The following FNIP2 variants were observed in gnomAD, a reference collection of about 807,000 sequenced individuals.
FNIP2 encodes the protein folliculin interacting protein 2.
In FNIP2, 32 loss-of-function variants were observed where a neutral mutation model predicts 108.7. The ratio of observed to expected loss-of-function variants is 0.29; its 90% CI spans 0.22 to 0.40. The LOEUF is 0.40. Among genes scored for constraint, FNIP2 ranks in the 10% least tolerant of loss-of-function variants. The pLI is 1.00. For missense variants in FNIP2, 1,202 were observed against 1,381.6 expected, an observed-to-expected ratio of 0.87 and a Z score of 2.06; for synonymous variants, 480 against 496.7, an observed-to-expected ratio of 0.97 and a Z score of 0.45.
intron 1 of FNIP2, among the ~76,000 whole-genome samples, chr4:158,792,705 G>A (rs888580918): frequency 4.6e-5 from 7 of 152,246 alleles, no homozygotes; most frequent in African/African-American, 1.4e-4. Flanking sequence ...GCAGTGGTTC[G>A]GTATTCACTA....
At chr4:158,779,009 A>G (rs1223751763) in intron 1 of FNIP2, among the ~76,000 whole-genome samples, 1 of 152,224 alleles carries the variant, frequency 6.6e-6, no homozygotes, top group Non-Finnish European at 1.5e-5. Context: ...AGTGGAGATG[A>G]TTTAAAGTAC....
At chr4:158,882,546 T>G (rs934867992) in intron 14 of FNIP2, among the ~76,000 whole-genome samples, 3 of 152,242 alleles carry the variant, frequency 2.0e-5, no homozygotes, top group Non-Finnish European at 4.4e-5. Context: ...GGCGGTTTTG[T>G]CGAATAGAAA....
intron 12 of FNIP2, among the ~76,000 whole-genome samples, 190 bp downstream of exon 12, chr4:158,861,966 G>A (rs895626893): frequency 6.6e-6 from 1 of 152,012 alleles, no homozygotes; most frequent in Non-Finnish European, 1.5e-5. Context: ...TCCCCTACTG[G>A]CAGCTTTGTG....
intron 1 of FNIP2, among the ~76,000 whole-genome samples, chr4:158,803,776 C>T (rs1371057498): frequency 6.6e-6 from 1 of 152,088 alleles, no homozygotes; most frequent in Non-Finnish European, 1.5e-5. Context: ...TTGGAGTGAT[C>T]CCAAGATATT....
In FNIP2 at chr4:158,890,385, C is replaced by T. The variant is rs564363340; in HGVS notation, c.2950-1061C>T. 209 of 982,956 alleles carry T rather than the reference C, an allele frequency of 2.1e-4. 1 individual carries two copies. In the South Asian group the frequency reaches 7.7e-3, roughly 36 times the overall value. The allele number at this position is 982,956 out of a possible 1,614,324, so 60.9% of individuals were successfully genotyped here. A position where few individuals can be genotyped will look rare whatever the true frequency, so the allele number is the denominator to read the frequency against. ...ATAATAGTAGGAAAAAATGTTGGTC[C>T]GCACGAAGTTTTCATTCATCTCACC... On this transcript the variant is annotated intron_variant, in intron 14 of 16. Transcript: ENST00000264433.
chr4:158,877,487 C>T (rs1781349627), intron 14 of FNIP2, among the ~76,000 whole-genome samples: 1 of 152,192 alleles, frequency 6.6e-6, no homozygotes, highest in African/African-American at 2.4e-5. Context: ...TGACATTAAA[C>T]CTGTTTCCAA....
chr4:158,811,951 A>C (rs1295675205), intron 1 of FNIP2, among the ~76,000 whole-genome samples: 1 of 152,240 alleles, frequency 6.6e-6, no homozygotes. Context: ...AGAGATCTTA[A>C]GGCAGGAACA....
At position 158,899,003 on chromosome 4, in the gene FNIP2, T is replaced by C. The variant is rs532508171; in HGVS notation, c.3266+3138T>C. On this transcript the variant is annotated intron_variant, in intron 16 of 16. Coordinates refer to ENST00000264433, the MANE Select transcript of FNIP2 (RefSeq NM_020840.3). ...TTTGTCAGAAATAGCTCTTATTATT[T>C]TGGGATACGTTCCCTCAATACCTAG... 6.6e-5 allele frequency among the ~76,000 whole-genome samples: 10 copies of C among 152,350 alleles called. No homozygotes were observed. In the East Asian group the frequency reaches 1.7e-3, roughly 26 times the overall value.
chr4:158,825,847 G>T, intron 1 of FNIP2, 69 bp from the exon 2 acceptor site: 1 of 1,552,252 alleles, frequency 6.4e-7, no homozygotes. Context: ...TGACTGGGAA[G>T]CTTATCTGTC....
intron 1 of FNIP2, among the ~76,000 whole-genome samples, chr4:158,819,455 T>A (rs529561646): frequency 5.6e-4 from 85 of 152,352 alleles, no homozygotes; most frequent in Non-Finnish European, 1.1e-3. Flanking sequence ...ATAAGAACTT[T>A]AAGCACTTTT....
chr4:158,839,709 T>C (rs1383955311), intron 7 of FNIP2, among the ~76,000 whole-genome samples: 1 of 152,196 alleles, frequency 6.6e-6, no homozygotes, highest in Non-Finnish European at 1.5e-5. Flanking sequence ...GTTTTGACCA[T>C]TGGGAGCTCT....
chr4:158,880,319 C>G (rs1421182846), intron 14 of FNIP2, among the ~76,000 whole-genome samples: 1 of 152,168 alleles, frequency 6.6e-6, no homozygotes, highest in Non-Finnish European at 1.5e-5. Flanking sequence ...TGGAAACCAT[C>G]ATTCTCAGCA....
At chr4:158,775,637 G>C (rs1775836521) in intron 1 of FNIP2, among the ~76,000 whole-genome samples, 1 of 152,166 alleles carries the variant, frequency 6.6e-6, no homozygotes, top group African/African-American at 2.4e-5. Flanking sequence ...CTGTCCAGCT[G>C]CCTTTATAAT....
chr4:158,907,912 T>TTGA lies in FNIP2; in HGVS notation c.*3370_*3372dup, dbSNP rs1453851561. 6.6e-6 allele frequency: 1 copy of TTGA among 152,194 alleles called. No homozygotes were observed. Among genetic ancestry groups the TTGA allele is most frequent in the African/African-American group, 2.4e-5 (1 of 41,450 alleles). 9.4% of individuals were successfully genotyped at this position (152,194 alleles called of 1,614,324 possible). A position where few individuals can be genotyped will look rare whatever the true frequency, so the allele number is the denominator to read the frequency against. ...GTCATTTGAAGCTCCATAAGAGAAA[T>TTGA]TGATAGGACTTCGTTTTTGATCAGT... On this transcript the variant is annotated 3_prime_UTR_variant, in exon 17 of 17. Coordinates refer to ENST00000264433, the MANE Select transcript of FNIP2 (RefSeq NM_020840.3).
chr4:158,860,136 C>G (rs1327760671), intron 10 of FNIP2, among the ~76,000 whole-genome samples: 2 of 152,158 alleles, frequency 1.3e-5, no homozygotes, highest in Non-Finnish European at 2.9e-5. Context: ...TGTCTAGAGT[C>G]CTTGCTCCTA....
At chr4:158,799,390 T>C (rs1776689196) in intron 1 of FNIP2, among the ~76,000 whole-genome samples, 1 of 152,188 alleles carries the variant, frequency 6.6e-6, no homozygotes, top group Non-Finnish European at 1.5e-5. Context: ...GATGTGGAGA[T>C]TGGGAGCACT....
chr4:158,903,381 T>C (rs1482204097), intron 16 of FNIP2, among the ~76,000 whole-genome samples: 1 of 152,158 alleles, frequency 6.6e-6, no homozygotes, highest in Non-Finnish European at 1.5e-5. Context: ...ACCTTCTGCG[T>C]CGATCTTGCT....
intron 1 of FNIP2, among the ~76,000 whole-genome samples, chr4:158,781,995 T>G (rs1776067339): frequency 1.3e-5 from 2 of 152,196 alleles, no homozygotes; most frequent in South Asian, 4.1e-4. Flanking sequence ...TACACAGTGT[T>G]TGACAACTAT....
chr4:158,861,306 G>T, intron 10 of FNIP2, 36 bp from the exon 11 acceptor site: 1 of 1,583,854 alleles, frequency 6.3e-7, no homozygotes, highest in South Asian at 1.2e-5. Context: ...TAGTATTTCT[G>T]ACACTTTTGT....
Sources: allele counts gnomAD v4.1 joint callset (sites outside exome capture counted in the v4.1 genomes callset), GRCh38; gene constraint gnomAD v4.1.1; transcripts MANE v1.5; gene names NCBI Gene and HGNC (gene_info 2026-07-23, HGNC 2026-07-21).